RASAL2: variants seen among roughly 807,000 people sequenced by gnomAD.
The protein encoded by RASAL2 is ras GTPase-activating protein nGAP.
Under a neutral mutation model 128.9 loss-of-function variants are expected in RASAL2, and 58 were observed. That is an observed-to-expected ratio of 0.45 (90% confidence interval 0.36 to 0.56). The LOEUF is 0.56. Ranked by LOEUF, RASAL2 falls within the 20% of genes least tolerant of loss-of-function variation. RASAL2 has a pLI of 0.00. For synonymous variants in RASAL2, 561 were observed against 580.8 expected (o/e 0.97, Z 0.49); for missense variants, 1,360 against 1,601.6 (o/e 0.85, Z 2.57).
chr1:178,428,399 A>G (rs1215984126), intron 5 of RASAL2, among the ~76,000 whole-genome samples: 2 of 150,746 alleles, frequency 1.3e-5, no homozygotes, highest in African/African-American at 4.9e-5. Context: ...CTGATAAGCA[A>G]TGTTTGCAGA....
chr1:178,366,707 T>C (rs1183335502), intron 3 of RASAL2, among the ~76,000 whole-genome samples: 2 of 151,598 alleles, frequency 1.3e-5, no homozygotes, highest in African/African-American at 4.8e-5. Flanking sequence ...CTTCATAATA[T>C]TAAAAAGTAG....
At chr1:178,251,815 C>T (rs534530185) in intron 1 of RASAL2, among the ~76,000 whole-genome samples, 9 of 152,274 alleles carry the variant, frequency 5.9e-5, no homozygotes, top group East Asian at 3.9e-4. Context: ...TTTATTCTTT[C>T]ATCCTCATTA....
intron 6 of RASAL2, among the ~76,000 whole-genome samples, chr1:178,441,083 C>G (rs149658986): frequency 1.1e-3 from 146 of 127,298 alleles, no homozygotes; most frequent in African/African-American, 4.1e-3. Flanking sequence ...GGCCTTTGTT[C>G]TCATACCTGG....
Position 178,106,811 on chromosome 1 carries a change from A to G in RASAL2, c.202+12117A>G, listed in dbSNP as rs1435512677. Among the ~76,000 whole-genome samples, 27 of 152,184 alleles carry G rather than the reference A, an allele frequency of 1.8e-4. 1 individual carries two copies. The highest frequency in any genetic ancestry group is 1.7e-3 in the Admixed American group (26 of 15,272). ...TGCAAGTTCAACCAAAATAAGCTTA[A>G]GAGAACATTTTCAGTTATTTGCATT... On this transcript the variant is annotated intron_variant, in intron 1 of 17. Coordinates refer to ENST00000367649, the MANE Select transcript of RASAL2 (RefSeq NM_170692.4).
chr1:178,455,531 CAT>C lies in RASAL2; in HGVS notation c.2211+886_2211+887del, dbSNP rs567022034. ...AACAAAGACCACTTTGCTGAGGAAA[CAT>C]ATGTGGTAATGTGTCCTCCAGTGCT... On this transcript the variant is annotated intron_variant, in intron 12 of 17. Coordinates refer to ENST00000367649, the MANE Select transcript of RASAL2 (RefSeq NM_170692.4). Among the ~76,000 whole-genome samples, 169 of 152,330 alleles carry C rather than the reference CAT, an allele frequency of 1.1e-3. 2 individuals are homozygous for C. The highest frequency in any genetic ancestry group is 3.9e-3 in the African/African-American group (162 of 41,574).
intron 1 of RASAL2, among the ~76,000 whole-genome samples, chr1:178,247,481 A>G (rs1226941359): frequency 6.6e-6 from 1 of 151,852 alleles, no homozygotes; most frequent in African/African-American, 2.4e-5. Context: ...TAGTCTATCT[A>G]GTAGTCTATC....
At chr1:178,333,067 C>A (rs879361819) in intron 3 of RASAL2, among the ~76,000 whole-genome samples, 1 of 151,958 alleles carries the variant, frequency 6.6e-6, no homozygotes, top group Non-Finnish European at 1.5e-5. Context: ...CTCGCTCTAT[C>A]GCCCAGGCTG....
At chr1:178,118,595 A>T (rs528760786) in intron 1 of RASAL2, among the ~76,000 whole-genome samples, 72 of 152,318 alleles carry the variant, frequency 4.7e-4, no homozygotes, top group African/African-American at 1.7e-3. Flanking sequence ...GTTGGGAAGT[A>T]ATACTTCAAC....
chr1:178,443,126 A>G lies in RASAL2; in HGVS notation c.1379A>G (p.Tyr460Cys). 1 of 1,613,850 alleles carries G rather than the reference A, an allele frequency of 6.2e-7. No individual in the cohort carries two copies. The highest frequency in any genetic ancestry group is 8.5e-7 in the Non-Finnish European group (1 of 1,179,784). ...KEFAEFVTSN[Y>C]TMLCSVLEPV... is the part of the protein sequence containing the mutation. ...TTTGCAGAATTTGTCACCAGCAACT[A>G]CACCATGCTGTGTTCTGTCCTTGAG... The change falls in exon 8 of 18, where the codon TAC becomes TGC. Residue 460 changes from tyrosine (Y) to cysteine (C), a missense_variant. Physicochemically the swap from Tyr to Cys is radical, Grantham distance 194. This residue lies in a region of RASAL2 where 617 missense variants were observed against 714.2 expected (regional missense o/e 0.86). Coordinates refer to ENST00000367649, the MANE Select transcript of RASAL2 (RefSeq NM_170692.4).
rs71108033 is a variant in RASAL2, at chr1:178,180,485, C to CAAA, written c.202+85813_202+85815dup. On this transcript the variant is annotated intron_variant, in intron 1 of 17. Coordinates refer to ENST00000367649, the MANE Select transcript of RASAL2 (RefSeq NM_170692.4). ...CAACATGGTGAAACCTCATCTCTAC[C>CAAA]AAAAAAAAAAAAAAAAAAAAAAAAC... Among the ~76,000 whole-genome samples the CAAA allele has an allele frequency of 4.7e-3, 342 of 72,540 alleles. 3 individuals are homozygous for CAAA. Among genetic ancestry groups the CAAA allele is most frequent in the African/African-American group, 0.017 (328 of 19,150 alleles). The allele number at this position is 72,540 out of a possible 152,430, so 47.6% of individuals were successfully genotyped here.
At chr1:178,300,427 TC>T (rs1407244546) in intron 3 of RASAL2, among the ~76,000 whole-genome samples, 2 of 152,352 alleles carry the variant, frequency 1.3e-5, no homozygotes, top group East Asian at 3.9e-4. Context: ...TATTTGGTGA[TC>T]TTGTTGAAGC....
intron 2 of RASAL2, among the ~76,000 whole-genome samples, chr1:178,294,790 C>CACTG (rs1470281057): frequency 6.6e-6 from 1 of 152,198 alleles, no homozygotes; most frequent in Non-Finnish European, 1.5e-5. Flanking sequence ...ACAATAGACT[C>CACTG]ACTGAGCTGA....
In RASAL2 at chr1:178,192,211, T is replaced by G. The variant is rs140970846; in HGVS notation, c.203-91353T>G. On this transcript the variant is annotated intron_variant, in intron 1 of 17. Transcript: ENST00000367649. ...GTGGTACTCTGTGCTATCTTTTTTCTTTTCCCTGTCCCTCCAACTGTTAAT... is the reference window on the plus strand; with the variant it reads ...GTGGTACTCTGTGCTATCTTTTTTCGTTTCCCTGTCCCTCCAACTGTTAAT... 3.0e-3 allele frequency among the ~76,000 whole-genome samples: 455 copies of G among 152,340 alleles called. 3 individuals carry two copies. Among genetic ancestry groups the G allele is most frequent in the Middle Eastern group, 0.01 (3 of 294 alleles).
chr1:178,458,767 G>GCCCC (rs921856835), intron 14 of RASAL2, among the ~76,000 whole-genome samples: 2 of 152,048 alleles, frequency 1.3e-5, no homozygotes, highest in African/African-American at 4.8e-5. Flanking sequence ...ACACGCAGAG[G>GCCCC]CCCCCTTCCT....
chr1:178,396,922 C>T (rs1174903668), intron 4 of RASAL2, among the ~76,000 whole-genome samples: 1 of 150,996 alleles, frequency 6.6e-6, no homozygotes, highest in African/African-American at 2.4e-5. Context: ...TGCTCAATAT[C>T]ATTATTCATT....
intron 1 of RASAL2, among the ~76,000 whole-genome samples, chr1:178,242,486 ATCTCTCTCTCTTGTC>A (rs1272990409): frequency 1.7e-3 from 89 of 52,482 alleles, no homozygotes; most frequent in South Asian, 3.5e-3. Flanking sequence ...TCTCTCTTTC[ATCTCTCTCTCTTGTC>A]TCTCTCTCTC....
chr1:178,453,779 A>G (rs953799384), intron 11 of RASAL2, among the ~76,000 whole-genome samples: 1 of 152,144 alleles, frequency 6.6e-6, no homozygotes. Context: ...GCTTAAAGAC[A>G]AGTTTCTGTT....
intron 1 of RASAL2, among the ~76,000 whole-genome samples, chr1:178,221,644 T>C (rs1663616880): frequency 6.6e-6 from 1 of 152,212 alleles, no homozygotes; most frequent in Non-Finnish European, 1.5e-5. Context: ...ATTTCTATTT[T>C]AAATTTGTTA....
intron 1 of RASAL2, among the ~76,000 whole-genome samples, chr1:178,234,127 A>G (rs1476789824): frequency 6.6e-6 from 1 of 152,110 alleles, no homozygotes; most frequent in Non-Finnish European, 1.5e-5. Context: ...TAATTCTTGA[A>G]CTCAATTTTG....
Sources: allele counts gnomAD v4.1 joint callset (sites outside exome capture counted in the v4.1 genomes callset), GRCh38; gene constraint gnomAD v4.1.1; regional missense constraint gnomAD v4.1.1; transcripts MANE v1.5; gene names NCBI Gene and HGNC (gene_info 2026-07-23, HGNC 2026-07-21).